Variants in KCNIP3 observed in about 807,000 individuals in gnomAD.
The protein encoded by KCNIP3 is calsenilin.
In KCNIP3, 28 loss-of-function variants were observed where a neutral mutation model predicts 35.0. The ratio of observed to expected loss-of-function variants is 0.80; its 90% confidence interval spans 0.59 to 1.10. The LOEUF (loss-of-function observed/expected upper bound fraction) is 1.10, where lower values mean the gene tolerates loss of function less well. Among genes scored for constraint, KCNIP3 ranks in the 50% least tolerant of loss-of-function variants. KCNIP3 has a pLI of 0.00. For synonymous variants in KCNIP3, 134 were observed against 133.8 expected (o/e 1.00, Z -0.01); for missense variants, 295 against 338.4 (o/e 0.87, Z 1.01).
chr2:95,299,109 A>C (rs1275710909), intron 1 of KCNIP3: 1 of 152,148 alleles, frequency 6.6e-6, no homozygotes, highest in South Asian at 2.1e-4. Flanking sequence ...CTGCACTTAC[A>C]TCTGGTTCTT....
intron 1 of KCNIP3, among the ~76,000 whole-genome samples, chr2:95,301,646 T>C (rs1230165238): frequency 1.3e-5 from 2 of 152,250 alleles, no homozygotes; most frequent in Admixed American, 6.5e-5. Flanking sequence ...ACCTATGCCA[T>C]CCCTTCTGAC....
chr2:95,331,446 C>T (rs955473750), intron 2 of KCNIP3, among the ~76,000 whole-genome samples: 3 of 152,116 alleles, frequency 2.0e-5, no homozygotes, highest in African/African-American at 7.2e-5. Context: ...TTCAAGGAGG[C>T]AGGTGGGATC....
At chr2:95,348,022 CGG>C (rs1679420215) in intron 2 of KCNIP3, among the ~76,000 whole-genome samples, 1 of 152,330 alleles carries the variant, frequency 6.6e-6, no homozygotes, top group African/African-American at 2.4e-5. Flanking sequence ...CTGCTGAGTG[CGG>C]GAAGGGGCAG....
intron 2 of KCNIP3, among the ~76,000 whole-genome samples, chr2:95,325,636 C>T (rs1380041215): frequency 1.3e-5 from 2 of 151,960 alleles, no homozygotes; most frequent in African/African-American, 4.8e-5. Flanking sequence ...CTCACACACA[C>T]ACACGCATAC....
At chr2:95,327,083 T>C (rs116761961) in intron 2 of KCNIP3, among the ~76,000 whole-genome samples, 4,377 of 152,318 alleles carry the variant, frequency 0.029, 230 homozygotes, top group African/African-American at 0.1. Context: ...GGCTGACTGT[T>C]CACTAGACCT....
chr2:95,318,253 G>A (rs1678506571), intron 2 of KCNIP3, among the ~76,000 whole-genome samples: 1 of 152,174 alleles, frequency 6.6e-6, no homozygotes, highest in South Asian at 2.1e-4. Flanking sequence ...ACAAGCCTGG[G>A]CTGGGAGAGA....
chr2:95,298,256 C>T (rs1435281820), intron 1 of KCNIP3, among the ~76,000 whole-genome samples: 1 of 152,092 alleles, frequency 6.6e-6, no homozygotes, highest in African/African-American at 2.4e-5. Context: ...ACAGAACGCC[C>T]CAAATAACAG....
chr2:95,372,883 G>A (rs1680072362), intron 2 of KCNIP3, among the ~76,000 whole-genome samples: 1 of 152,230 alleles, frequency 6.6e-6, no homozygotes, highest in African/African-American at 2.4e-5. Context: ...CAATTGCTGA[G>A]CAGCTTTCAG....
intron 2 of KCNIP3, among the ~76,000 whole-genome samples, chr2:95,346,311 C>G (rs1679357284): frequency 6.6e-6 from 1 of 151,490 alleles, no homozygotes; most frequent in South Asian, 2.1e-4. Context: ...CCCCTCCTCT[C>G]GGGCTCCCGG....
intron 2 of KCNIP3, among the ~76,000 whole-genome samples, chr2:95,361,179 C>T (rs1391315059): frequency 6.6e-6 from 1 of 152,186 alleles, no homozygotes; most frequent in African/African-American, 2.4e-5. Flanking sequence ...GTTGAAAAGC[C>T]ATGCAGCCAT....
chr2:95,364,484 C>G lies in KCNIP3; in HGVS notation c.182-9812C>G, dbSNP rs56303030. ...GATATGGTTTGGATGTTTGTCCCCC[C>G]CCACATCTCATGTTGAAATGAATCC... On this transcript the variant is annotated intron_variant, in intron 2 of 8. Coordinates refer to ENST00000295225, the MANE Select transcript of KCNIP3 (RefSeq NM_013434.5). Among the ~76,000 whole-genome samples, 24 of 152,228 alleles carry G rather than the reference C, an allele frequency of 1.6e-4. No individual in the cohort carries two copies. The East Asian group carries it at 3.7e-3, about 23-fold the overall frequency.
chr2:95,374,950 C>A, intron 4 of KCNIP3, 33 bp downstream of exon 4: 2 of 1,609,680 alleles, frequency 1.2e-6, no homozygotes, highest in South Asian at 2.2e-5. Context: ...CTGCTGTGTC[C>A]CAGTGTGGAG....
At chr2:95,337,163 A>G (rs1458454483) in intron 2 of KCNIP3, among the ~76,000 whole-genome samples, 1 of 152,158 alleles carries the variant, frequency 6.6e-6, no homozygotes, top group Non-Finnish European at 1.5e-5. Flanking sequence ...CGCCAGTGCT[A>G]GGAGACCTTG....
chr2:95,381,926 C>T (rs1266491755), intron 6 of KCNIP3, among the ~76,000 whole-genome samples: 3 of 152,184 alleles, frequency 2.0e-5, no homozygotes, highest in Non-Finnish European at 4.4e-5. Flanking sequence ...CCACACATCT[C>T]GGTCCAGCTC....
chr2:95,323,138 G>A (rs1177239453), intron 2 of KCNIP3, among the ~76,000 whole-genome samples: 3 of 152,220 alleles, frequency 2.0e-5, no homozygotes, highest in Non-Finnish European at 2.9e-5. Flanking sequence ...GCGGAAGGAC[G>A]TGATGACTGG....
intron 2 of KCNIP3, among the ~76,000 whole-genome samples, chr2:95,317,576 A>T (rs569592898): frequency 6.6e-6 from 1 of 152,280 alleles, no homozygotes; most frequent in East Asian, 1.9e-4. Flanking sequence ...AGAAGCAGGG[A>T]CAGAAAGCAG....
At chr2:95,349,069 C>G (rs1679446679) in intron 2 of KCNIP3, among the ~76,000 whole-genome samples, 2 of 152,076 alleles carry the variant, frequency 1.3e-5, no homozygotes, top group Admixed American at 1.3e-4. Context: ...ATGGTTGCAG[C>G]CATTCTCTCA....
At chr2:95,350,882 C>A (rs925431219) in intron 2 of KCNIP3, among the ~76,000 whole-genome samples, 12 of 152,212 alleles carry the variant, frequency 7.9e-5, no homozygotes, top group Admixed American at 7.2e-4. Context: ...CCTGGGTCCC[C>A]CATCAGTGCC....
At chr2:95,320,827 G>A (rs1428363408) in intron 2 of KCNIP3, among the ~76,000 whole-genome samples, 2 of 151,786 alleles carry the variant, frequency 1.3e-5, no homozygotes, top group East Asian at 3.9e-4. Context: ...CCCCAGGGTG[G>A]GAGAAGGAGG....
Sources: allele counts gnomAD v4.1 joint callset (sites outside exome capture counted in the v4.1 genomes callset), GRCh38; gene constraint gnomAD v4.1.1; transcripts MANE v1.5; gene names NCBI Gene and HGNC (gene_info 2026-07-23, HGNC 2026-07-21).